Variants in NALF1 observed in about 807,000 individuals in gnomAD.
NALF1 encodes the protein family with sequence similarity 155 member A.
In NALF1, 3 loss-of-function variants were observed where a neutral mutation model predicts 48.4. The ratio of observed to expected loss-of-function variants is 0.06; its 90% CI spans 0.03 to 0.16. The LOEUF (loss-of-function observed/expected upper bound fraction) is 0.16, where lower values mean the gene tolerates loss of function less well. Ranked by LOEUF, NALF1 falls within the 10% of genes least tolerant of loss-of-function variation. The probability of loss-of-function intolerance (pLI) is 1.00; values close to 1 mark genes in which losing one functional copy is unlikely to be tolerated. For synonymous variants in NALF1, 262 were observed against 245.7 expected, an observed-to-expected ratio of 1.07 and a Z score of -0.62; for missense variants, 526 against 571.5, an observed-to-expected ratio of 0.92 and a Z score of 0.81.
At chr13:107,484,615 T>C (rs781323968) in intron 1 of NALF1, among the ~76,000 whole-genome samples, 1 of 152,166 alleles carries the variant, frequency 6.6e-6, no homozygotes, top group African/African-American at 2.4e-5. Context: ...AATGACCATA[T>C]GAATACATGT....
At chr13:107,310,363 T>C (rs1321823438) in intron 1 of NALF1, among the ~76,000 whole-genome samples, 2 of 148,250 alleles carry the variant, frequency 1.3e-5, no homozygotes, top group Non-Finnish European at 3.0e-5. Flanking sequence ...CGAGGCAAGA[T>C]CATGCCACTG....
At chr13:107,721,874 A>C (rs1875996805) in intron 1 of NALF1, among the ~76,000 whole-genome samples, 1 of 152,160 alleles carries the variant, frequency 6.6e-6, no homozygotes, top group African/African-American at 2.4e-5. Context: ...ACACATCCCT[A>C]CCGCAGATTC....
At chr13:107,773,082 C>T (rs941644435) in intron 1 of NALF1, among the ~76,000 whole-genome samples, 2 of 152,022 alleles carry the variant, frequency 1.3e-5, no homozygotes, top group South Asian at 2.1e-4. Flanking sequence ...ATTTACAATT[C>T]CTTTAAGAAG....
intron 1 of NALF1, among the ~76,000 whole-genome samples, chr13:107,243,528 C>T (rs138579079): frequency 6.6e-6 from 1 of 152,242 alleles, no homozygotes; most frequent in Non-Finnish European, 1.5e-5. Flanking sequence ...GACCTAGGAC[C>T]AAGTCAAGAC....
chr13:107,740,858 C>T lies in NALF1; in HGVS notation c.915+124824G>A, dbSNP rs1352914823. On this transcript the variant is annotated intron_variant, in intron 1 of 2. Transcript: ENST00000375915. ...TCCATTGGAAGGAATAAAATATATG[C>T]TTTGGAATATGTACAAGAGAAGGAT... Among the ~76,000 whole-genome samples, 3 of 152,206 alleles carry T rather than the reference C, an allele frequency of 2.0e-5. No homozygotes were observed. In the East Asian group the frequency reaches 5.8e-4, roughly 29 times the overall value.
chr13:107,298,403 T>C (rs1279425600), intron 1 of NALF1, among the ~76,000 whole-genome samples: 16 of 128,032 alleles, frequency 1.2e-4, no homozygotes, highest in South Asian at 2.8e-4. Flanking sequence ...CACACACACA[T>C]ACATATACAC....
In NALF1 at chr13:107,409,791, T is replaced by C. The variant is rs141259788; in HGVS notation, c.916-199036A>G. 5.0e-3 allele frequency among the ~76,000 whole-genome samples: 759 copies of C among 152,320 alleles called. 11 individuals carry two copies. Among genetic ancestry groups the C allele is most frequent in the African/African-American group, 0.017 (696 of 41,580 alleles). On this transcript the variant is annotated intron_variant, in intron 1 of 2. Transcript: ENST00000375915. ...AGAAAGTAAATTATAGATCTGGATC[T>C]GATAATCTCGATTAGTCTGAAATAC...
At position 107,484,674 on chromosome 13, in the gene NALF1, T is replaced by C. The variant is rs144339055; in HGVS notation, c.916-273919A>G. ...GTGCAATACAGTACACTTGGCATTA[T>C]GCAAAGCAGAGAAAGATAAGGAGGA... On this transcript the variant is annotated intron_variant, in intron 1 of 2. Transcript: ENST00000375915. Among the ~76,000 whole-genome samples, 30 of 152,282 alleles carry C rather than the reference T, an allele frequency of 2.0e-4. No individual in the cohort carries two copies. The East Asian group carries it at 5.6e-3, about 28-fold the overall frequency.
chr13:107,583,882 T>C (rs970963359), intron 1 of NALF1, among the ~76,000 whole-genome samples: 1 of 152,108 alleles, frequency 6.6e-6, no homozygotes, highest in Non-Finnish European at 1.5e-5. Flanking sequence ...GTTTCTCTCT[T>C]TTCCTCATTA....
intron 1 of NALF1, among the ~76,000 whole-genome samples, chr13:107,696,930 T>C (rs1881713643): frequency 1.3e-5 from 2 of 152,170 alleles, no homozygotes; most frequent in Non-Finnish European, 2.9e-5. Flanking sequence ...ATTAGAATGT[T>C]TTATTATTAG....
chr13:107,731,353 G>T (rs1271166753), intron 1 of NALF1, among the ~76,000 whole-genome samples: 1 of 152,040 alleles, frequency 6.6e-6, no homozygotes, highest in Non-Finnish European at 1.5e-5. Context: ...ATTATACTTT[G>T]GGGTAATAAC....
intron 1 of NALF1, among the ~76,000 whole-genome samples, chr13:107,328,402 AAAAC>A (rs1882407097): frequency 6.6e-6 from 1 of 152,116 alleles, no homozygotes; most frequent in Non-Finnish European, 1.5e-5. Context: ...GTAGGTGCTT[AAAAC>A]AAACTTTTCT....
At chr13:107,299,231 T>A (rs1881786632) in intron 1 of NALF1, among the ~76,000 whole-genome samples, 1 of 151,992 alleles carries the variant, frequency 6.6e-6, no homozygotes, top group African/African-American at 2.4e-5. Context: ...GATGTTTTAT[T>A]ACTGGTGATA....
chr13:107,601,886 T>C (rs1442179098), intron 1 of NALF1, among the ~76,000 whole-genome samples: 1 of 152,102 alleles, frequency 6.6e-6, no homozygotes, highest in Non-Finnish European at 1.5e-5. Context: ...CGGAGAGAAA[T>C]TACTGAGGCT....
In NALF1 at chr13:107,514,419, C is replaced by CTG. The variant is rs1259986994; in HGVS notation, c.916-303665_916-303664insCA. On this transcript the variant is annotated intron_variant, in intron 1 of 2. Transcript: ENST00000375915. ...GGGCCTATGATTTGAGAAGCTTCTC[C>CTG]TATATCTATCTATCTATCTATCTAT... 1.6e-4 allele frequency among the ~76,000 whole-genome samples: 11 copies of CTG among 69,320 alleles called. No homozygotes were observed. In the South Asian group the frequency reaches 3.1e-3, roughly 20 times the overall value. 45.5% of individuals were successfully genotyped at this position (69,320 alleles called of 152,430 possible). A position where few individuals can be genotyped will look rare whatever the true frequency, so the allele number is the denominator to read the frequency against.
chr13:107,432,638 C>G (rs567454053), intron 1 of NALF1, among the ~76,000 whole-genome samples: 1 of 152,188 alleles, frequency 6.6e-6, no homozygotes, highest in East Asian at 1.9e-4. Context: ...CCTTCAACCT[C>G]TGGATGTGAG....
At chr13:107,332,448 C>T (rs1882486341) in intron 1 of NALF1, among the ~76,000 whole-genome samples, 1 of 152,236 alleles carries the variant, frequency 6.6e-6, no homozygotes, top group African/African-American at 2.4e-5. Flanking sequence ...CACAGAGCTA[C>T]AGCCGGAGCA....
intron 1 of NALF1, among the ~76,000 whole-genome samples, chr13:107,561,752 C>A (rs892533946): frequency 6.6e-6 from 1 of 152,140 alleles, no homozygotes; most frequent in Non-Finnish European, 1.5e-5. Context: ...TTTCATCTTC[C>A]CCACTTCCTG....
At chr13:107,625,186 T>C (rs535108156) in intron 1 of NALF1, among the ~76,000 whole-genome samples, 1 of 152,118 alleles carries the variant, frequency 6.6e-6, no homozygotes, top group African/African-American at 2.4e-5. Flanking sequence ...TTAGCCTATC[T>C]CTACTTGCAG....
Sources: gnomAD v4.1 joint callset for allele counts (sites outside exome capture counted in the v4.1 genomes callset) on GRCh38, gnomAD v4.1.1 for gene constraint, MANE v1.5 for transcripts, NCBI Gene and HGNC (gene_info 2026-07-23, HGNC 2026-07-21) for gene names.